The following LNP1 variants were observed in gnomAD, a reference collection of about 807,000 sequenced individuals.
The protein encoded by LNP1 is leukemia NUP98 fusion partner 1.
In LNP1, 12 loss-of-function variants were observed where a neutral mutation model predicts 14.5. That is an observed-to-expected ratio of 0.83 (90% confidence interval 0.53 to 1.34). LNP1 has a LOEUF of 1.34. Among genes scored for constraint, LNP1 ranks in the 40% most tolerant of loss-of-function variants. LNP1 has a pLI of 0.00. For missense variants in LNP1, 198 were observed against 210.9 expected (o/e 0.94, Z 0.38); for synonymous variants, 75 against 71.4 (o/e 1.05, Z -0.26).
intron 1 of LNP1, among the ~76,000 whole-genome samples, chr3:100,406,861 G>A (rs937360050): frequency 4.6e-5 from 7 of 152,000 alleles, no homozygotes; most frequent in Non-Finnish European, 7.4e-5. Flanking sequence ...ATCTATTGTC[G>A]GTTTTTGCTT....
Position 100,402,444 on chromosome 3 carries a change from G to A in LNP1, c.-34+5G>A, listed in dbSNP as rs1250896538. ...CACCGGTTTCTCCTGCTTCATGTAA[G>A]TTCCTATTAGTAAATTGCCTTCAGG... is the stretch of plus-strand genomic sequence containing the variant. On this transcript the variant is annotated splice_donor_5th_base_variant and intron_variant, in intron 1 of 3. Transcript: ENST00000383693. 6.6e-6 allele frequency: 1 copy of A among 152,212 alleles called. No homozygotes were observed. The highest frequency in any genetic ancestry group is 2.4e-5 in the African/African-American group (1 of 41,458). 9.4% of individuals were successfully genotyped at this position (152,212 alleles called of 1,614,324 possible). A position where few individuals can be genotyped will look rare whatever the true frequency, so the allele number is the denominator to read the frequency against.
intron 1 of LNP1, among the ~76,000 whole-genome samples, chr3:100,406,764 G>A (rs1048140486): frequency 6.6e-6 from 1 of 151,840 alleles, no homozygotes; most frequent in Non-Finnish European, 1.5e-5. Context: ...TAAACTCCTG[G>A]CCTCATGATC....
intron 1 of LNP1, among the ~76,000 whole-genome samples, chr3:100,407,835 A>G (rs1249462524): frequency 6.6e-6 from 1 of 151,886 alleles, no homozygotes; most frequent in African/African-American, 2.4e-5. Context: ...CCTGTCTTCA[A>G]GTTTACAGAT....
At chr3:100,429,669 G>T in intron 1 of LNP1, 28 bp from the exon 2 acceptor site, 1 of 1,459,028 alleles carries the variant, frequency 6.9e-7, no homozygotes, top group Non-Finnish European at 9.5e-7. Context: ...CAGCCCTGTT[G>T]GGTGATATTT....
At chr3:100,445,898 T>C (rs1707383096) in intron 2 of LNP1, among the ~76,000 whole-genome samples, 1 of 152,186 alleles carries the variant, frequency 6.6e-6, no homozygotes, top group Non-Finnish European at 1.5e-5. Context: ...ACAAGGGATG[T>C]GAAGGACCTC....
At chr3:100,430,985 T>A (rs1707237377) in intron 2 of LNP1, among the ~76,000 whole-genome samples, 1 of 152,218 alleles carries the variant, frequency 6.6e-6, no homozygotes. Context: ...CTAAGAACCC[T>A]TCTACCTCTA....
intron 2 of LNP1, among the ~76,000 whole-genome samples, chr3:100,449,142 A>G (rs1026767208): frequency 1.3e-5 from 2 of 152,190 alleles, no homozygotes; most frequent in Admixed American, 1.3e-4. Context: ...CTGTCTTTTA[A>G]CCGGATCTCT....
intron 3 of LNP1, among the ~76,000 whole-genome samples, chr3:100,452,834 A>G (rs1363228712): frequency 6.6e-6 from 1 of 152,240 alleles, no homozygotes; most frequent in East Asian, 1.9e-4. Context: ...TAAACTTGAT[A>G]CATAAAGTAA....
intron 1 of LNP1, among the ~76,000 whole-genome samples, chr3:100,408,630 C>T (rs1559838948): frequency 1.3e-5 from 2 of 152,114 alleles, no homozygotes; most frequent in Admixed American, 6.5e-5. Context: ...CATCTGCTGC[C>T]GGGATGGGTC....
chr3:100,452,990 G>T (rs925364460), intron 3 of LNP1, among the ~76,000 whole-genome samples: 18 of 152,136 alleles, frequency 1.2e-4, no homozygotes, highest in African/African-American at 4.3e-4. Flanking sequence ...TCACTGCCAG[G>T]TAGTAGACAA....
intron 1 of LNP1, among the ~76,000 whole-genome samples, chr3:100,423,588 T>A (rs1282755211): frequency 6.6e-6 from 1 of 152,202 alleles, no homozygotes; most frequent in Non-Finnish European, 1.5e-5. Flanking sequence ...AAGGATCATT[T>A]TCACTGATTA....
At chr3:100,408,121 G>A (rs1253016513) in intron 1 of LNP1, among the ~76,000 whole-genome samples, 3 of 152,116 alleles carry the variant, frequency 2.0e-5, no homozygotes, top group Admixed American at 6.6e-5. Context: ...TATTTTGTCT[G>A]TTTAGTGATG....
chr3:100,423,361 A>G (rs1707163558), intron 1 of LNP1, among the ~76,000 whole-genome samples: 1 of 152,210 alleles, frequency 6.6e-6, no homozygotes, highest in South Asian at 2.1e-4. Flanking sequence ...CAGTGAAATA[A>G]ATAAAGGGAA....
In LNP1 at chr3:100,414,546, TA is replaced by T. The variant is rs60049011; in HGVS notation, c.-34+12122del. ...TGGGCAATAAAGCTAGACTCAGTCT[TA>T]AAAAAAAAAAAAAAGTTAATCAAAG... On this transcript the variant is annotated intron_variant, in intron 1 of 3. Coordinates refer to ENST00000383693, the MANE Select transcript of LNP1 (RefSeq NM_001085451.2). Among the ~76,000 whole-genome samples, 607 of 136,900 alleles carry T rather than the reference TA, an allele frequency of 4.4e-3. 1 individual carries two copies. Among genetic ancestry groups the T allele is most frequent in the Non-Finnish European group, 5.7e-3 (356 of 62,748 alleles). The allele number at this position is 136,900 out of a possible 152,430, so 89.8% of individuals were successfully genotyped here. A position where few individuals can be genotyped will look rare whatever the true frequency, so the allele number is the denominator to read the frequency against.
At chr3:100,440,207 C>A (rs1707333031) in intron 2 of LNP1, among the ~76,000 whole-genome samples, 1 of 152,126 alleles carries the variant, frequency 6.6e-6, no homozygotes, top group African/African-American at 2.4e-5. Context: ...CCCTAATGGC[C>A]TCATTTAACG....
Position 100,455,803 on chromosome 3 carries a change from T to G in LNP1, c.414T>G (p.Asn138Lys). 1 of 1,613,440 alleles carries G rather than the reference T, an allele frequency of 6.2e-7. No homozygotes were observed. The highest frequency in any genetic ancestry group is 8.5e-7 in the Non-Finnish European group (1 of 1,179,852). Reference sequence around the variant, plus strand: ...GACCTGAAAGCAGAAAGGAGAGAAATGAAAGAGAATGCCTGAGGATGGAGA... The same window carrying G: ...GACCTGAAAGCAGAAAGGAGAGAAAGGAAAGAGAATGCCTGAGGATGGAGA... ...SLGPESRKER[N>K]ERECLRMEIK... The change falls in exon 4 of 4, where the codon AAT becomes AAG. Residue 138 changes from asparagine (N) to lysine (K), a missense_variant. Coordinates refer to ENST00000383693, the MANE Select transcript of LNP1 (RefSeq NM_001085451.2).
intron 2 of LNP1, among the ~76,000 whole-genome samples, chr3:100,445,985 G>A (rs1006002688): frequency 3.7e-4 from 56 of 152,258 alleles, no homozygotes; most frequent in African/African-American, 1.2e-3. Flanking sequence ...CCATGCTTAT[G>A]GATAGGAAGA....
intron 1 of LNP1, among the ~76,000 whole-genome samples, chr3:100,418,357 T>C (rs1230697313): frequency 6.6e-6 from 1 of 151,998 alleles, no homozygotes; most frequent in African/African-American, 2.4e-5. Flanking sequence ...CATGCTCCGC[T>C]TCACATCACT....
chr3:100,454,142 T>C (rs1298656033), intron 3 of LNP1, among the ~76,000 whole-genome samples: 1 of 152,204 alleles, frequency 6.6e-6, no homozygotes, highest in Non-Finnish European at 1.5e-5. Flanking sequence ...CCTTTTGGGT[T>C]CCAAGATACT....
Sources: allele counts gnomAD v4.1 joint callset (sites outside exome capture counted in the v4.1 genomes callset), GRCh38; gene constraint gnomAD v4.1.1; transcripts MANE v1.5; gene names NCBI Gene and HGNC (gene_info 2026-07-23, HGNC 2026-07-21).